Variants in PBX1 observed in about 807,000 individuals in gnomAD.
PBX1 encodes the protein PBX homeobox 1.
PBX1 carries 6 observed loss-of-function variants against 53.4 expected under a neutral mutation model. The ratio of observed to expected loss-of-function variants is 0.11; its 90% confidence interval spans 0.06 to 0.22. The LOEUF (loss-of-function observed/expected upper bound fraction) is 0.22, where lower values mean the gene tolerates loss of function less well. Ranked by LOEUF, PBX1 falls within the 10% of genes least tolerant of loss-of-function variation. PBX1 has a pLI of 1.00. For synonymous variants in PBX1, 204 were observed against 212.3 expected (o/e 0.96, Z 0.34); for missense variants, 251 against 551.4 (o/e 0.46, Z 5.46).
chr1:164,779,396 G>A (rs1667824972), intron 2 of PBX1, among the ~76,000 whole-genome samples: 1 of 152,064 alleles, frequency 6.6e-6, no homozygotes, highest in African/African-American at 2.4e-5. Flanking sequence ...GTCCTTGTTG[G>A]AGTAGCAATG....
intron 3 of PBX1, among the ~76,000 whole-genome samples, chr1:164,793,725 G>A (rs765372129): frequency 2.0e-5 from 3 of 151,986 alleles, no homozygotes; most frequent in African/African-American, 4.8e-5. Flanking sequence ...TAAGTTTGTT[G>A]TTATCTCTTG....
At chr1:164,776,976 A>AGAGATGGGAGGTGTGGGGGGGCGGG (rs1667698282) in intron 2 of PBX1, among the ~76,000 whole-genome samples, 1 of 66,110 alleles carries the variant, frequency 1.5e-5, no homozygotes, top group Non-Finnish European at 2.5e-5. Context: ...AGAGAGAGAG[A>AGAGATGGGAGGTGTGGGGGGGCGGG]GAGGAGGTGT....
chr1:164,743,240 T>C (rs931166573), intron 2 of PBX1, among the ~76,000 whole-genome samples: 1 of 152,208 alleles, frequency 6.6e-6, no homozygotes, highest in African/African-American at 2.4e-5. Context: ...CTAATGACTC[T>C]ATTGGCCTGT....
rs1315175848 is a variant in PBX1, at chr1:164,559,789, G to A, written c.-34G>A. ...CCAGGAGCCGAGCCGAGGAGCAGAAGAGGAAGAGCCGGGGGCTGCCGTAGC... is the reference window on the plus strand; with the variant it reads ...CCAGGAGCCGAGCCGAGGAGCAGAAAAGGAAGAGCCGGGGGCTGCCGTAGC... On this transcript the variant is annotated 5_prime_UTR_variant, in exon 1 of 9. Coordinates refer to ENST00000420696, the MANE Select transcript of PBX1 (RefSeq NM_002585.4). The A allele has an allele frequency of 6.6e-7, 1 of 1,513,054 alleles. No individual in the cohort carries two copies. Among genetic ancestry groups the A allele is most frequent in the South Asian group, 1.2e-5 (1 of 81,090 alleles). The allele number at this position is 1,513,054 out of a possible 1,614,324, so 93.7% of individuals were successfully genotyped here.
intron 2 of PBX1, among the ~76,000 whole-genome samples, chr1:164,668,169 T>C (rs1252234703): frequency 6.6e-6 from 1 of 152,216 alleles, no homozygotes; most frequent in African/African-American, 2.4e-5. Context: ...AGGCCTTGGC[T>C]ACATGGTCCT....
At chr1:164,881,158 C>T (rs1001106497) in intron 2 of PBX1, among the ~76,000 whole-genome samples, 2 of 152,154 alleles carry the variant, frequency 1.3e-5, no homozygotes, top group African/African-American at 2.4e-5. Context: ...TCCCGGGAGT[C>T]TGGAGAGAAG....
intron 2 of PBX1, among the ~76,000 whole-genome samples, chr1:164,571,215 G>GAT (rs1488532994): frequency 6.6e-6 from 1 of 152,018 alleles, no homozygotes; most frequent in Admixed American, 6.6e-5. Flanking sequence ...CCATTTAAAT[G>GAT]ATATACAGTT....
chr1:164,699,162 C>A (rs1553232292), intron 2 of PBX1, among the ~76,000 whole-genome samples: 3 of 152,146 alleles, frequency 2.0e-5, no homozygotes, highest in Non-Finnish European at 4.4e-5. Flanking sequence ...ACGTGGGTCA[C>A]AAAGAGGAGG....
rs778963772 is a variant in PBX1 at position 164,792,570 on chromosome 1, G to T, written c.342G>T (p.Ala114=). 3.7e-6 allele frequency: 6 copies of T among 1,613,992 alleles called. No homozygotes were observed. The highest frequency in any genetic ancestry group is 1.7e-5 in the Admixed American group (1 of 59,998). ...TGCGGCTGGACAACATGCTGTTAGC[G>T]GAAGGCGTGGCGGGGCCTGAGAAGG... ...QLMRLDNMLL[A]EGVAGPEKGG... is the part of the protein sequence containing the mutation. Residue 114 remains alanine, a synonymous_variant, in exon 3 of 9, where the codon GCG becomes GCT. Transcript: ENST00000420696.
chr1:164,702,524 T>C (rs1218756889), intron 2 of PBX1, among the ~76,000 whole-genome samples: 1 of 152,148 alleles, frequency 6.6e-6, no homozygotes, highest in East Asian at 1.9e-4. Flanking sequence ...TCAGTGTGAG[T>C]GAGTGTGTGC....
At chr1:164,729,623 G>C (rs1026378096) in intron 2 of PBX1, among the ~76,000 whole-genome samples, 1 of 152,082 alleles carries the variant, frequency 6.6e-6, no homozygotes, top group Non-Finnish European at 1.5e-5. Context: ...AAGTAGATAT[G>C]GTAGGTATAT....
At chr1:164,783,728 G>GT (rs927761470) in intron 2 of PBX1, among the ~76,000 whole-genome samples, 18 of 151,006 alleles carry the variant, frequency 1.2e-4, no homozygotes, top group South Asian at 4.2e-4. Flanking sequence ...TTTAGTGTAC[G>GT]TTTTTTTTTG....
intron 2 of PBX1, among the ~76,000 whole-genome samples, chr1:164,620,543 G>A (rs1657599270): frequency 6.6e-6 from 1 of 152,012 alleles, no homozygotes; most frequent in Admixed American, 6.6e-5. Flanking sequence ...CATGAAATAG[G>A]GACTTGTCTA....
intron 2 of PBX1, among the ~76,000 whole-genome samples, chr1:164,754,551 A>G (rs1666404230): frequency 6.6e-6 from 1 of 152,208 alleles, no homozygotes; most frequent in Admixed American, 6.5e-5. Flanking sequence ...GTGGGTTTCA[A>G]TGCTGTTGCA....
chr1:164,787,056 G>C (rs1289751968), intron 2 of PBX1, among the ~76,000 whole-genome samples: 1 of 152,114 alleles, frequency 6.6e-6, no homozygotes, highest in African/African-American at 2.4e-5. Context: ...AAACTGCATA[G>C]CTGACTTGGG....
intron 2 of PBX1, among the ~76,000 whole-genome samples, chr1:164,593,783 A>G (rs186531964): frequency 2.0e-5 from 3 of 152,324 alleles, no homozygotes; most frequent in Admixed American, 1.3e-4. Flanking sequence ...CTTTTCACAC[A>G]TAATGCAGGC....
intron 2 of PBX1, among the ~76,000 whole-genome samples, chr1:164,871,443 A>G (rs1250526639): frequency 1.3e-5 from 2 of 152,236 alleles, no homozygotes; most frequent in Non-Finnish European, 2.9e-5. Context: ...TTGGCAGTGT[A>G]ATGTGCATAT....
chr1:164,698,552 A>G (rs926375692), intron 2 of PBX1, among the ~76,000 whole-genome samples: 2 of 151,988 alleles, frequency 1.3e-5, no homozygotes, highest in African/African-American at 2.4e-5. Context: ...TCAGGACTCA[A>G]TGTTGCCAGC....
Position 164,847,715 on chromosome 1 carries a change from C to T in PBX1, c.*1039C>T. 1 of 1,056,502 alleles carries T rather than the reference C, an allele frequency of 9.5e-7. No individual in the cohort carries two copies. Among genetic ancestry groups the T allele is most frequent in the Non-Finnish European group, 1.1e-6 (1 of 873,760 alleles). The allele number at this position is 1,056,502 out of a possible 1,614,324, so 65.4% of individuals were successfully genotyped here. On this transcript the variant is annotated 3_prime_UTR_variant, in exon 9 of 9. Coordinates refer to ENST00000420696, the MANE Select transcript of PBX1 (RefSeq NM_002585.4). ...ATTACCTACATTAATAACTGTAGCA[C>T]TATGCCTTTTGAGCCCGAGAGAGGG...
Sources: allele counts gnomAD v4.1 joint callset (sites outside exome capture counted in the v4.1 genomes callset), GRCh38; gene constraint gnomAD v4.1.1; transcripts MANE v1.5; gene names NCBI Gene and HGNC (gene_info 2026-07-23, HGNC 2026-07-21).